Variants in SVIL observed in about 807,000 individuals in gnomAD.
SVIL encodes the protein archvillin.
SVIL carries 101 observed loss-of-function variants against 240.4 expected under a neutral mutation model. That is an observed-to-expected ratio of 0.42 (90% CI 0.36 to 0.50). SVIL has a LOEUF of 0.50. SVIL is among the 20% of genes least tolerant of loss of function. SVIL has a pLI of 0.01. For synonymous variants in SVIL, 999 were observed against 1,100.0 expected, an observed-to-expected ratio of 0.91 and a Z score of 1.82; for missense variants, 2,512 against 2,818.7, an observed-to-expected ratio of 0.89 and a Z score of 2.46.
At chr10:29,514,181 T>C (rs1950050765) in intron 16 of SVIL, among the ~76,000 whole-genome samples, 1 of 152,122 alleles carries the variant, frequency 6.6e-6, no homozygotes, top group South Asian at 2.1e-4. Flanking sequence ...AATCCATAAA[T>C]ATTAAATCCA....
At chr10:29,717,270 C>T (rs866414794) in intron 1 of SVIL, among the ~76,000 whole-genome samples, 12 of 123,232 alleles carry the variant, frequency 9.7e-5, no homozygotes, top group Non-Finnish European at 1.5e-4. Context: ...AAAAAATAGG[C>T]AGTGTGATTT....
chr10:29,632,602 A>C (rs1958143221), intron 1 of SVIL, among the ~76,000 whole-genome samples: 1 of 152,216 alleles, frequency 6.6e-6, no homozygotes, highest in Admixed American at 6.5e-5. Context: ...GTTTATCACA[A>C]AACAGTCTGT....
In SVIL at chr10:29,457,429, G is replaced by A. The variant is rs758165324; in HGVS notation, c.*818C>T. On this transcript the variant is annotated 3_prime_UTR_variant, in exon 38 of 38. Coordinates refer to ENST00000355867, the MANE Select transcript of SVIL (RefSeq NM_021738.3). Reference sequence around the variant, plus strand: ...AATGACATGTGTACTGTTTACAACCGGTATTAGAAATTGAGATGTTTTTAT... The same window carrying A: ...AATGACATGTGTACTGTTTACAACCAGTATTAGAAATTGAGATGTTTTTAT... 1.1e-4 allele frequency: 17 copies of A among 150,502 alleles called. No homozygotes were observed. The highest frequency in any genetic ancestry group is 8.0e-4 in the Admixed American group (12 of 14,988). The allele number at this position is 150,502 out of a possible 1,614,324, so 9.3% of individuals were successfully genotyped here. A position where few individuals can be genotyped will look rare whatever the true frequency, so the allele number is the denominator to read the frequency against.
At chr10:29,684,228 A>G (rs1195171256) in intron 2 of SVIL, among the ~76,000 whole-genome samples, 1 of 152,192 alleles carries the variant, frequency 6.6e-6, no homozygotes, top group Non-Finnish European at 1.5e-5. Context: ...TATAGTGTGA[A>G]CCAAAAAGTA....
At chr10:29,682,740 T>G (rs936710610) in intron 2 of SVIL, among the ~76,000 whole-genome samples, 1 of 152,192 alleles carries the variant, frequency 6.6e-6, no homozygotes, top group Non-Finnish European at 1.5e-5. Context: ...TAGGTTCAAG[T>G]GTATGTTAGC....
At chr10:29,654,141 A>G (rs1958926074) in intron 3 of SVIL, among the ~76,000 whole-genome samples, 1 of 152,142 alleles carries the variant, frequency 6.6e-6, no homozygotes, top group Admixed American at 6.5e-5. Flanking sequence ...GAGTACTGTC[A>G]TTTTTAAAAT....
In SVIL at chr10:29,462,407, G is replaced by GT; in HGVS notation, c.6278-7dup. 7 of 1,613,746 alleles carry GT rather than the reference G, an allele frequency of 4.3e-6. No homozygotes were observed. Among genetic ancestry groups the GT allele is most frequent in the Non-Finnish European group, 5.9e-6 (7 of 1,179,890 alleles). The stretch of plus-strand genomic sequence containing the variant: ...TGGTTTCTTGAGATTTTTTCCTGTA[G>GT]TTACACAGATTGCAATGTCAGTAGA... On this transcript the variant is annotated splice_polypyrimidine_tract_variant and splice_region_variant and intron_variant, in intron 35 of 37. Transcript: ENST00000355867.
At chr10:29,552,627 C>T (rs4749456) in intron 5 of SVIL, among the ~76,000 whole-genome samples, 41,825 of 151,282 alleles carry the variant, frequency 0.28, 5,861 homozygotes, top group East Asian at 0.33. Context: ...TTTAAGGGTC[C>T]TAACAGTCTA....
intron 13 of SVIL, among the ~76,000 whole-genome samples, chr10:29,526,082 A>G (rs1365163777): frequency 6.6e-6 from 1 of 152,180 alleles, no homozygotes; most frequent in African/African-American, 2.4e-5. Context: ...AAGCACCACA[A>G]TCTGAAACAC....
chr10:29,519,343 C>T (rs1027199256), intron 16 of SVIL, among the ~76,000 whole-genome samples: 1 of 152,234 alleles, frequency 6.6e-6, no homozygotes, highest in Non-Finnish European at 1.5e-5. Flanking sequence ...CTATTCACTA[C>T]GTGGCCCTGG....
chr10:29,615,337 A>C (rs1473042655), intron 1 of SVIL, among the ~76,000 whole-genome samples: 1 of 152,208 alleles, frequency 6.6e-6, no homozygotes, highest in Non-Finnish European at 1.5e-5. Context: ...CTTAACATAC[A>C]ATGGTGTATT....
At chr10:29,516,932 A>C (rs1410041966) in intron 16 of SVIL, among the ~76,000 whole-genome samples, 2 of 152,210 alleles carry the variant, frequency 1.3e-5, no homozygotes, top group Non-Finnish European at 1.5e-5. Context: ...ATATTAAATA[A>C]GATGTGTTTT....
chr10:29,733,369 GGCTGGAGT>G (rs1382201531), intron 1 of SVIL, among the ~76,000 whole-genome samples: 2 of 152,110 alleles, frequency 1.3e-5, no homozygotes, highest in African/African-American at 4.8e-5. Context: ...CTGTTGCCCA[GGCTGGAGT>G]GCAGTGATGC....
chr10:29,509,986 T>C (rs1367519223), intron 17 of SVIL, among the ~76,000 whole-genome samples: 1 of 152,204 alleles, frequency 6.6e-6, no homozygotes, highest in East Asian at 1.9e-4. Context: ...CATTGCAGCC[T>C]CAACTTCCCG....
At position 29,493,392 on chromosome 10, in the gene SVIL, C is replaced by A. The variant is rs1318296624; in HGVS notation, c.3842-1G>T. On this transcript the variant is annotated splice_acceptor_variant, in intron 20 of 37. Coordinates refer to ENST00000355867, the MANE Select transcript of SVIL (RefSeq NM_021738.3). LOFTEE classifies it high-confidence loss of function. ...AGCACCGTTTCGTGCATCCCGCCAA[C>A]TATCAACAAACAAGCAAAAGACATA... 6.2e-7 allele frequency: 1 copy of A among 1,613,974 alleles called. No homozygotes were observed.
intron 1 of SVIL, among the ~76,000 whole-genome samples, chr10:29,591,065 G>C (rs1249249148): frequency 6.6e-6 from 1 of 152,178 alleles, no homozygotes; most frequent in Non-Finnish European, 1.5e-5. Flanking sequence ...CCCGGTTCTG[G>C]GGCTGTGGAT....
At chr10:29,462,507 T>C (rs1305317540) in intron 35 of SVIL, 106 bp from the exon 36 acceptor site, 1 of 1,462,836 alleles carries the variant, frequency 6.8e-7, no homozygotes, top group Non-Finnish European at 9.2e-7. Context: ...GACTTCATGC[T>C]TAAAATGCAA....
chr10:29,474,592 TACAAATAAATAAATAA>T (rs1305859951), intron 29 of SVIL, among the ~76,000 whole-genome samples: 5 of 114,978 alleles, frequency 4.3e-5, no homozygotes, highest in African/African-American at 1.6e-4. Flanking sequence ...GAGACTCTCT[TACAAATAAATAAATAA>T]ATAAATAAAT....
chr10:29,664,765 T>C (rs1382653787), intron 2 of SVIL, among the ~76,000 whole-genome samples: 1 of 152,044 alleles, frequency 6.6e-6, no homozygotes, highest in Non-Finnish European at 1.5e-5. Context: ...AAGCATATAA[T>C]GAGCTAAGTC....
Sources: gnomAD v4.1 joint callset for allele counts (sites outside exome capture counted in the v4.1 genomes callset) on GRCh38, gnomAD v4.1.1 for gene constraint, MANE v1.5 for transcripts, NCBI Gene and HGNC (gene_info 2026-07-23, HGNC 2026-07-21) for gene names.